The following UBE4A variants were observed in gnomAD, a reference collection of about 807,000 sequenced individuals.
UBE4A encodes the protein ubiquitin conjugation factor E4 A.
UBE4A carries 48 observed loss-of-function variants against 117.9 expected under a neutral mutation model. The ratio of observed to expected loss-of-function variants is 0.41; its 90% CI spans 0.32 to 0.52. UBE4A has a LOEUF of 0.52. Ranked by LOEUF, UBE4A falls within the 20% of genes least tolerant of loss-of-function variation. The probability of loss-of-function intolerance (pLI) is 0.33; values close to 1 mark genes in which losing one functional copy is unlikely to be tolerated. For synonymous variants in UBE4A, 407 were observed against 450.0 expected, an observed-to-expected ratio of 0.90 and a Z score of 1.21; for missense variants, 1,067 against 1,296.3, an observed-to-expected ratio of 0.82 and a Z score of 2.72.
chr11:118,373,593 A>T lies in UBE4A; in HGVS notation c.1024A>T (p.Thr342Ser). Residue 342 changes from threonine to serine, a missense_variant, in exon 8 of 20, where the codon ACT becomes TCT. Transcript: ENST00000252108. ...TCTGAGTATCTCCTGCTTATTAAAGACTCCGGGTGTTGTAGAAAATCATGG... is the reference window on the plus strand; with the variant it reads ...TCTGAGTATCTCCTGCTTATTAAAGTCTCCGGGTGTTGTAGAAAATCATGG... ...VILSISCLLK[T>S]PGVVENHGYF... 4 of 1,614,114 alleles carry T rather than the reference A, an allele frequency of 2.5e-6. No individual in the cohort carries two copies. Among genetic ancestry groups the T allele is most frequent in the Non-Finnish European group, 3.4e-6 (4 of 1,180,004 alleles).
intron 19 of UBE4A, 37 bp downstream of exon 19, chr11:118,392,932 T>C: frequency 6.3e-7 from 1 of 1,591,918 alleles, no homozygotes; most frequent in Non-Finnish European, 8.5e-7. Flanking sequence ...AGAGCATATA[T>C]ATATATTAGT....
intron 15 of UBE4A, 35 bp downstream of exon 15, chr11:118,384,980 T>C: frequency 2.0e-6 from 3 of 1,476,292 alleles, no homozygotes; most frequent in Non-Finnish European, 2.8e-6. Context: ...ATTTAACTTC[T>C]CCATACCATC....
rs782561031 is a variant in UBE4A, at chr11:118,374,976, C to G, written c.1197C>G (p.Ile399Met). The G allele has an allele frequency of 1.1e-5, 17 of 1,606,142 alleles. No homozygotes were observed. In the South Asian group the frequency reaches 1.9e-4, roughly 18 times the overall value. ...LQLSPETKHC[I>M]LSWLGNCLHA... ...TCTCTCCAGAAACCAAACACTGTAT[C>G]TTGTCCTGGCTTGGAAACTGTTTGC... Residue 399 changes from isoleucine to methionine, a missense_variant, in exon 9 of 20, where the codon ATC becomes ATG. Ile to Met is a conservative substitution (Grantham distance 10). Around this residue, in one of 3 missense-constraint regions of UBE4A, gnomAD observed 1,001 missense variants for 1,184.0 expected, o/e 0.85. Transcript: ENST00000252108.
chr11:118,381,036 C>G (rs1369019263), intron 11 of UBE4A, among the ~76,000 whole-genome samples: 3 of 152,146 alleles, frequency 2.0e-5, no homozygotes, highest in Non-Finnish European at 4.4e-5. Flanking sequence ...GGAGGACCAT[C>G]CTGGAGTCTG....
At chr11:118,373,352 C>T in intron 7 of UBE4A, 64 bp downstream of exon 7, 1 of 1,569,378 alleles carries the variant, frequency 6.4e-7, no homozygotes, top group East Asian at 2.2e-5. Context: ...GCTTCCCTAT[C>T]CTGAAGACAC....
In UBE4A at chr11:118,389,790, C is replaced by T. The variant is rs1565539184; in HGVS notation, c.2653C>T (p.Leu885=). Residue 885 remains leucine (L), a synonymous_variant, in exon 17 of 20, where the codon CTG becomes TTG. Transcript: ENST00000252108. Reference sequence around the variant, plus strand: ...CATCATCTCCATGTTGAACTACTTCCTGCAACACCTGGTTGGCCCCAAGAT... The same window carrying T: ...CATCATCTCCATGTTGAACTACTTCTTGCAACACCTGGTTGGCCCCAAGAT... The part of the protein sequence containing the change: ...ERIISMLNYF[L]QHLVGPKMGA... 1.2e-6 allele frequency: 2 copies of T among 1,613,836 alleles called. No homozygotes were observed. The highest frequency in any genetic ancestry group is 1.7e-6 in the Non-Finnish European group (2 of 1,179,890).
intron 19 of UBE4A, among the ~76,000 whole-genome samples, chr11:118,393,992 C>G (rs1948844864): frequency 6.6e-6 from 1 of 152,162 alleles, no homozygotes; most frequent in Admixed American, 6.5e-5. Flanking sequence ...CATGAACTTT[C>G]CCCAGCCTGC....
Position 118,396,612 on chromosome 11 carries a change from C to A in UBE4A, c.*172C>A. The A allele has an allele frequency of 1.4e-6, 1 of 738,928 alleles. No homozygotes were observed. Among genetic ancestry groups the A allele is most frequent in the Non-Finnish European group, 1.9e-6 (1 of 518,262 alleles). 45.8% of individuals were successfully genotyped at this position (738,928 alleles called of 1,614,324 possible). A position where few individuals can be genotyped will look rare whatever the true frequency, so the allele number is the denominator to read the frequency against. ...TGCTGAAATTATGATAGTTAAGATT[C>A]CTAAGAACTTGACAATGCTCCCCTG... On this transcript the variant is annotated 3_prime_UTR_variant, in exon 20 of 20. Coordinates refer to ENST00000252108, the MANE Select transcript of UBE4A (RefSeq NM_001204077.2).
chr11:118,396,093 C>CAA (rs377030115), intron 19 of UBE4A, among the ~76,000 whole-genome samples: 3 of 80,674 alleles, frequency 3.7e-5, no homozygotes, highest in Admixed American at 1.4e-4. Flanking sequence ...AGACTGTCTC[C>CAA]AAAAAAAAAA....
Position 118,390,823 on chromosome 11 carries a change from T to A in UBE4A, c.2916+19T>A. ...AATCAAGGTGAGGAAGAGGAGGAAT[T>A]GTTTGCTGATTTCATTAAGAACCAC... is the stretch of plus-strand genomic sequence containing the variant. On this transcript the variant is annotated intron_variant, in intron 18 of 19. Transcript: ENST00000252108. 3.7e-6 allele frequency: 6 copies of A among 1,607,862 alleles called. No individual in the cohort carries two copies. Among genetic ancestry groups the A allele is most frequent in the Non-Finnish European group, 5.1e-6 (6 of 1,176,158 alleles).
chr11:118,380,842 A>G (rs1948699136), intron 11 of UBE4A, among the ~76,000 whole-genome samples: 1 of 152,182 alleles, frequency 6.6e-6, no homozygotes, highest in Admixed American at 6.5e-5. Flanking sequence ...ACTACTCATG[A>G]TATGGCAGCT....
intron 17 of UBE4A, among the ~76,000 whole-genome samples, chr11:118,390,299 C>A (rs1948799734): frequency 6.6e-6 from 1 of 150,638 alleles, no homozygotes; most frequent in Non-Finnish European, 1.5e-5. Flanking sequence ...AAGTAGCATT[C>A]TTTTAAGGTC....
intron 9 of UBE4A, 68 bp downstream of exon 9, chr11:118,375,297 CTTATCCT>C (rs1948642222): frequency 1.1e-5 from 15 of 1,354,460 alleles, no homozygotes; most frequent in Non-Finnish European, 1.5e-5. Context: ...CATTCACTCC[CTTATCCT>C]TTTTCACAGA....
chr11:118,389,582 C>T (rs1948793361), intron 16 of UBE4A, 143 bp from the exon 17 acceptor site: 1 of 794,682 alleles, frequency 1.3e-6, no homozygotes, highest in South Asian at 5.2e-5. Context: ...AAATGAATTA[C>T]TTAGTTTTTT....
intron 4 of UBE4A, 28 bp from the exon 5 acceptor site, chr11:118,371,486 T>G (rs760313225): frequency 6.3e-7 from 1 of 1,588,388 alleles, no homozygotes; most frequent in Non-Finnish European, 8.6e-7. Context: ...TGCAATAGTT[T>G]AGTATTTTTG....
At chr11:118,368,100 G>C (rs1438534367) in intron 2 of UBE4A, among the ~76,000 whole-genome samples, 1 of 152,100 alleles carries the variant, frequency 6.6e-6, no homozygotes, top group Non-Finnish European at 1.5e-5. Flanking sequence ...AAGCTGAAAA[G>C]AGCTATGTAT....
At chr11:118,393,246 G>T (rs1194807781) in intron 19 of UBE4A, among the ~76,000 whole-genome samples, 1 of 151,768 alleles carries the variant, frequency 6.6e-6, no homozygotes, top group Admixed American at 6.6e-5. Context: ...GTAAAACCCC[G>T]TCTCTACTAA....
intron 16 of UBE4A, 30 bp from the exon 17 acceptor site, chr11:118,389,695 A>G (rs192906210): frequency 3.2e-6 from 5 of 1,555,250 alleles, no homozygotes; most frequent in Non-Finnish European, 4.4e-6. Context: ...TAATGGATTG[A>G]GTTTTCAGAG....
Position 118,389,727 on chromosome 11 carries a change from A to G in UBE4A, c.2590A>G (p.Ile864Val). The G allele has an allele frequency of 6.3e-7, 1 of 1,597,034 alleles. No individual in the cohort carries two copies. Among genetic ancestry groups the G allele is most frequent in the Non-Finnish European group, 8.6e-7 (1 of 1,166,748 alleles). ...AGAGACTTTGGATTCTTTTCCAGAG[A>G]TCAAGTCACTCTTTGTGCATCCCTT... ...IGTLAFLTSE[I>V]KSLFVHPFLA... Residue 864 changes from isoleucine to valine, a missense_variant and splice_region_variant, in exon 17 of 20, where the codon ATC becomes GTC. Coordinates refer to ENST00000252108, the MANE Select transcript of UBE4A (RefSeq NM_001204077.2).
Sources: allele counts gnomAD v4.1 joint callset (sites outside exome capture counted in the v4.1 genomes callset), GRCh38; gene constraint gnomAD v4.1.1; regional missense constraint gnomAD v4.1.1; transcripts MANE v1.5; gene names NCBI Gene and HGNC (gene_info 2026-07-23, HGNC 2026-07-21).